The following PRELID2 variants were observed in gnomAD, a reference collection of about 807,000 sequenced individuals.
The protein encoded by PRELID2 is PRELI domain containing 2, also known as PRELI domain-containing protein 2.
Under a neutral mutation model 28.4 loss-of-function variants are expected in PRELID2, and 25 were observed. The observed-to-expected ratio is 0.88, with a 90% CI of 0.64 to 1.23. The LOEUF (loss-of-function observed/expected upper bound fraction) is 1.23. Ranked by LOEUF, PRELID2 falls within the 50% of genes most tolerant of loss-of-function variation. PRELID2 has a pLI of 0.00. For missense variants in PRELID2, 201 were observed against 214.4 expected (o/e 0.94, Z 0.39); for synonymous variants, 76 against 71.6 (o/e 1.06, Z -0.31).
chr5:145,559,772 G>A (rs1003340650), intron 1 of PRELID2, among the ~76,000 whole-genome samples: 1 of 150,784 alleles, frequency 6.6e-6, no homozygotes, highest in Admixed American at 6.6e-5. Flanking sequence ...CAGTCAATGT[G>A]GAACATTTCT....
the PRELID2 span, among the ~76,000 whole-genome samples, chr5:145,269,150 T>C: frequency 3.3e-5 from 5 of 152,194 alleles, no homozygotes; most frequent in Admixed American, 1.3e-4. Context: ...ATCCTGACAA[T>C]TTTTTATAGA....
At chr5:145,569,873 A>T (rs147714603) in intron 1 of PRELID2, among the ~76,000 whole-genome samples, 3 of 152,310 alleles carry the variant, frequency 2.0e-5, no homozygotes, top group Non-Finnish European at 2.9e-5. Context: ...TTGCTCAGAA[A>T]GCTTGTGTTA....
chr5:145,267,866 A>T, the PRELID2 span, among the ~76,000 whole-genome samples: 1 of 152,234 alleles, frequency 6.6e-6, no homozygotes, highest in South Asian at 2.1e-4. Flanking sequence ...GGGTAAGGTG[A>T]TATTATTGGA....
At chr5:145,766,999 A>C (rs1757801378) in intron 5 of PRELID2, among the ~76,000 whole-genome samples, 4 of 152,162 alleles carry the variant, frequency 2.6e-5, no homozygotes, top group Admixed American at 2.6e-4. Context: ...GCAGGAAAAT[A>C]CTGGGTAGAA....
the PRELID2 span, among the ~76,000 whole-genome samples, chr5:145,399,737 G>A: frequency 6.6e-6 from 1 of 152,138 alleles, no homozygotes; most frequent in African/African-American, 2.4e-5. Context: ...AAAGAAAGAT[G>A]TTTATTGGAC....
Position 145,621,397 on chromosome 5 carries a change from G to A in PRELID2, n.70+143534C>T, listed in dbSNP as rs938053212. 6.6e-5 allele frequency among the ~76,000 whole-genome samples: 10 copies of A among 152,126 alleles called. No individual in the cohort carries two copies. The East Asian group carries it at 1.9e-3, about 29-fold the overall frequency. On this transcript the variant is annotated intron_variant and non_coding_transcript_variant, in intron 1 of 2. Transcript: ENST00000510259. ...ACCATGTGCCCTAGCAATTCTAGCT[G>A]TATACAAAGAGATTTGACATTCTAT...
At chr5:145,724,370 G>A (rs1300040208) in intron 1 of PRELID2, among the ~76,000 whole-genome samples, 2 of 151,402 alleles carry the variant, frequency 1.3e-5, no homozygotes, top group Non-Finnish European at 2.9e-5. Flanking sequence ...AGAATCCTGA[G>A]GGTCTGAGAT....
the PRELID2 span, among the ~76,000 whole-genome samples, chr5:145,392,881 AT>A: frequency 6.6e-6 from 1 of 152,164 alleles, no homozygotes; most frequent in Non-Finnish European, 1.5e-5. Context: ...AATGGCATGA[AT>A]CCACATTGTC....
At chr5:145,536,933 A>C (rs2126667486) in intron 1 of PRELID2, among the ~76,000 whole-genome samples, 1 of 151,972 alleles carries the variant, frequency 6.6e-6, no homozygotes. Context: ...AGTTACAAGA[A>C]CTTTGTTGTG....
At chr5:145,433,860 T>C in the PRELID2 span, among the ~76,000 whole-genome samples, 4 of 152,176 alleles carry the variant, frequency 2.6e-5, no homozygotes, top group African/African-American at 9.7e-5. Context: ...ATTTTTACGA[T>C]TGCAATTTCC....
the PRELID2 span, among the ~76,000 whole-genome samples, chr5:145,240,453 T>C: frequency 2.0e-5 from 3 of 152,002 alleles, no homozygotes; most frequent in Admixed American, 2.0e-4. Flanking sequence ...ATTTACATAT[T>C]TATAAATAGT....
At chr5:145,733,611 T>C (rs925330759) in intron 1 of PRELID2, among the ~76,000 whole-genome samples, 3 of 152,244 alleles carry the variant, frequency 2.0e-5, no homozygotes, top group Non-Finnish European at 2.9e-5. Context: ...AGAATCCTTC[T>C]AGATTTTCAC....
chr5:145,717,069 T>C (rs956000391), intron 1 of PRELID2, among the ~76,000 whole-genome samples: 1 of 152,148 alleles, frequency 6.6e-6, no homozygotes, highest in African/African-American at 2.4e-5. Context: ...TAAGAAGATA[T>C]GGAAAAAATA....
chr5:145,602,430 A>G (rs1753411300), intron 1 of PRELID2, among the ~76,000 whole-genome samples: 1 of 152,232 alleles, frequency 6.6e-6, no homozygotes, highest in Non-Finnish European at 1.5e-5. Flanking sequence ...TATGACTTTT[A>G]GGAAACAATA....
chr5:145,801,242 C>G (rs111994027), intron 4 of PRELID2, among the ~76,000 whole-genome samples: 1,786 of 152,178 alleles, frequency 0.012, 32 homozygotes, highest in African/African-American at 0.041. Flanking sequence ...CCTTTTAAAC[C>G]ATTTTCAGCA....
intron 1 of PRELID2, among the ~76,000 whole-genome samples, chr5:145,629,054 GT>G (rs1179615245): frequency 2.0e-5 from 3 of 152,296 alleles, no homozygotes; most frequent in African/African-American, 7.2e-5. Flanking sequence ...AAAAATTAGT[GT>G]TTTCAAGTCT....
chr5:145,706,510 G>C (rs1297323389), intron 1 of PRELID2, among the ~76,000 whole-genome samples: 1 of 152,078 alleles, frequency 6.6e-6, no homozygotes, highest in Non-Finnish European at 1.5e-5. Context: ...TATTTCTATG[G>C]AGCAGCTCTG....
At chr5:145,705,427 C>T (rs999728024) in intron 1 of PRELID2, among the ~76,000 whole-genome samples, 7 of 151,890 alleles carry the variant, frequency 4.6e-5, no homozygotes, top group African/African-American at 1.7e-4. Context: ...TGGTCGTGAA[C>T]TCCTGACCTA....
chr5:145,261,666 C>T, the PRELID2 span, among the ~76,000 whole-genome samples: 1 of 152,114 alleles, frequency 6.6e-6, no homozygotes, highest in Non-Finnish European at 1.5e-5. Flanking sequence ...AAGGGAGTAC[C>T]CTGTGGGACA....
Sources: gnomAD v4.1 joint callset for allele counts (sites outside exome capture counted in the v4.1 genomes callset) on GRCh38, gnomAD v4.1.1 for gene constraint, MANE v1.5 for transcripts, NCBI Gene and HGNC (gene_info 2026-07-23, HGNC 2026-07-21) for gene names.